The following SUMF1 variants were observed in gnomAD, a reference collection of about 807,000 sequenced individuals.
The protein encoded by SUMF1 is formylglycine-generating enzyme.
In SUMF1, 48 loss-of-function variants were observed where a neutral mutation model predicts 47.6. That is an observed-to-expected ratio of 1.01 (90% CI 0.80 to 1.28). The LOEUF (loss-of-function observed/expected upper bound fraction) is 1.28, where lower values mean the gene tolerates loss of function less well. Among genes scored for constraint, SUMF1 ranks in the 50% most tolerant of loss-of-function variants. SUMF1 has a pLI of 0.00. For missense variants in SUMF1, 571 were observed against 485.4 expected, an observed-to-expected ratio of 1.18 and a Z score of -1.66; for synonymous variants, 230 against 192.1, an observed-to-expected ratio of 1.20 and a Z score of -1.63.
At chr3:4,162,082 G>A (rs971567260) in intron 8 of SUMF1, among the ~76,000 whole-genome samples, 2 of 152,092 alleles carry the variant, frequency 1.3e-5, no homozygotes, top group East Asian at 1.9e-4. Context: ...TTCTGGTGCA[G>A]GGTGTACCTA....
intron 8 of SUMF1, among the ~76,000 whole-genome samples, chr3:4,145,359 T>C (rs1271633136): frequency 2.0e-5 from 3 of 151,988 alleles, no homozygotes; most frequent in Non-Finnish European, 2.9e-5. Flanking sequence ...TCTAGCAAAT[T>C]TTCTTCCAGC....
intron 8 of SUMF1, among the ~76,000 whole-genome samples, chr3:4,354,563 G>A (rs1017851796): frequency 2.0e-5 from 3 of 152,198 alleles, no homozygotes; most frequent in Admixed American, 6.5e-5. Flanking sequence ...GACCGACCGC[G>A]CAGGATCAGG....
chr3:4,332,537 A>C (rs1278585444), intron 8 of SUMF1, among the ~76,000 whole-genome samples: 1 of 152,226 alleles, frequency 6.6e-6, no homozygotes, highest in Non-Finnish European at 1.5e-5. Context: ...TTGTCACATT[A>C]AAACAATGGT....
intron 8 of SUMF1, among the ~76,000 whole-genome samples, chr3:4,369,532 A>C (rs967930585): frequency 2.6e-5 from 4 of 152,222 alleles, no homozygotes; most frequent in African/African-American, 9.6e-5. Context: ...TCCACACTGC[A>C]ACAAAGATCA....
At chr3:4,075,025 G>A (rs950782656) in intron 8 of SUMF1, among the ~76,000 whole-genome samples, 3 of 152,036 alleles carry the variant, frequency 2.0e-5, no homozygotes, top group East Asian at 1.9e-4. Flanking sequence ...ACCAAAGCCT[G>A]GCAGAGACAC....
At chr3:4,233,996 C>G (rs1461064168) in intron 8 of SUMF1, among the ~76,000 whole-genome samples, 1 of 152,106 alleles carries the variant, frequency 6.6e-6, no homozygotes, top group Admixed American at 6.6e-5. Flanking sequence ...CCCATATGTA[C>G]TGAAGCAATG....
chr3:4,108,155 C>G (rs1000250899), intron 8 of SUMF1, among the ~76,000 whole-genome samples: 1 of 152,076 alleles, frequency 6.6e-6, no homozygotes, highest in Admixed American at 6.5e-5. Context: ...CAAAGAACAT[C>G]TTTATTTCTG....
chr3:4,358,941 G>C (rs1699681650), downstream of SUMF1, among the ~76,000 whole-genome samples: 1 of 151,802 alleles, frequency 6.6e-6, no homozygotes, highest in Admixed American at 6.6e-5. Context: ...TGCCAGTGGA[G>C]ATTGAATTAG....
chr3:4,340,454 C>G (rs1199782822), intron 8 of SUMF1, among the ~76,000 whole-genome samples: 1 of 152,150 alleles, frequency 6.6e-6, no homozygotes, highest in Non-Finnish European at 1.5e-5. Flanking sequence ...AATGGAAAGC[C>G]ACTGCTGGAA....
chr3:4,133,635 C>T (rs1474742017), intron 8 of SUMF1, among the ~76,000 whole-genome samples: 1 of 152,032 alleles, frequency 6.6e-6, no homozygotes, highest in Admixed American at 6.6e-5. Context: ...ACTGGCCTAG[C>T]CTTTCACCCT....
intron 1 of SUMF1, among the ~76,000 whole-genome samples, chr3:4,454,927 A>G (rs537885112): frequency 6.6e-6 from 1 of 152,318 alleles, no homozygotes; most frequent in South Asian, 2.1e-4. Context: ...GGGAGGCAGG[A>G]ATGGGGAATG....
At chr3:4,199,849 G>T (rs1013580864) in intron 8 of SUMF1, among the ~76,000 whole-genome samples, 4 of 152,022 alleles carry the variant, frequency 2.6e-5, no homozygotes, top group African/African-American at 7.2e-5. Flanking sequence ...ATTGTAAGAG[G>T]TCTTTTCGTA....
At chr3:4,180,107 T>C (rs193150411) in intron 8 of SUMF1, among the ~76,000 whole-genome samples, 7 of 152,298 alleles carry the variant, frequency 4.6e-5, no homozygotes, top group Admixed American at 4.6e-4. Flanking sequence ...GAGTGTAAAT[T>C]AGTTCCACCA....
chr3:4,225,488 C>T (rs983289865), intron 8 of SUMF1, among the ~76,000 whole-genome samples: 5 of 152,134 alleles, frequency 3.3e-5, no homozygotes, highest in African/African-American at 1.2e-4. Flanking sequence ...AATAACCATG[C>T]ACCACAACAC....
chr3:4,093,015 G>A (rs1055301990), intron 8 of SUMF1, among the ~76,000 whole-genome samples: 1 of 152,108 alleles, frequency 6.6e-6, no homozygotes, highest in Non-Finnish European at 1.5e-5. Context: ...CTGAATACAT[G>A]CAGTGCTTAA....
intron 9 of SUMF1, among the ~76,000 whole-genome samples, chr3:4,038,760 AGGCAGTCAGAT>A (rs1195222667): frequency 1.3e-5 from 2 of 152,168 alleles, no homozygotes; most frequent in Non-Finnish European, 1.5e-5. Context: ...AGTGGAAGAG[AGGCAGTCAGAT>A]GGCTCTGGGA....
At chr3:4,363,412 G>A (rs1699836707) in intron 8 of SUMF1, among the ~76,000 whole-genome samples, 3 of 152,058 alleles carry the variant, frequency 2.0e-5, no homozygotes, top group Admixed American at 2.0e-4. Flanking sequence ...GCAGTGGTTT[G>A]TAGTTCTCCT....
intron 8 of SUMF1, among the ~76,000 whole-genome samples, chr3:4,335,968 A>ACAAAAAAC: frequency 6.8e-6 from 1 of 147,010 alleles, no homozygotes; most frequent in African/African-American, 2.5e-5. Context: ...CTCAAAAAAA[A>ACAAAAAAC]AAAAAAAAAA....
At chr3:4,249,999 C>T (rs1220726728) in intron 8 of SUMF1, among the ~76,000 whole-genome samples, 1 of 152,058 alleles carries the variant, frequency 6.6e-6, no homozygotes, top group Non-Finnish European at 1.5e-5. Context: ...GCCTGGCCAA[C>T]ATAGTAAAAT....
Sources: allele counts gnomAD v4.1 joint callset (sites outside exome capture counted in the v4.1 genomes callset), GRCh38; gene constraint gnomAD v4.1.1; transcripts MANE v1.5; gene names NCBI Gene and HGNC (gene_info 2026-07-23, HGNC 2026-07-21).